STIM2: variants seen among roughly 807,000 people sequenced by gnomAD.
The protein encoded by STIM2 is stromal interaction molecule 2.
In STIM2, 31 loss-of-function variants were observed where a neutral mutation model predicts 85.8. The observed-to-expected ratio is 0.36, with a 90% CI of 0.27 to 0.49. STIM2 has a LOEUF of 0.49. Ranked by LOEUF, STIM2 falls within the 20% of genes least tolerant of loss-of-function variation. STIM2 has a pLI of 0.98. For synonymous variants in STIM2, 356 were observed against 331.1 expected, an observed-to-expected ratio of 1.08 and a Z score of -0.82; for missense variants, 841 against 927.6, an observed-to-expected ratio of 0.91 and a Z score of 1.21.
At chr4:26,880,801 G>A (rs868136864) in intron 1 of STIM2, among the ~76,000 whole-genome samples, 1 of 151,012 alleles carries the variant, frequency 6.6e-6, no homozygotes, top group South Asian at 2.1e-4. Flanking sequence ...AACTTAAAAT[G>A]TTTTAGAAGT....
At chr4:26,920,542 C>T (rs1724757284) in intron 2 of STIM2, among the ~76,000 whole-genome samples, 1 of 152,126 alleles carries the variant, frequency 6.6e-6, no homozygotes, top group African/African-American at 2.4e-5. Flanking sequence ...TGTTGAATTG[C>T]TTCTCTTTCA....
At chr4:26,992,185 T>A (rs747121491) in intron 3 of STIM2, among the ~76,000 whole-genome samples, 2 of 152,154 alleles carry the variant, frequency 1.3e-5, no homozygotes, top group Non-Finnish European at 2.9e-5. Flanking sequence ...TACAAATCCT[T>A]GTCTCACCAT....
intron 1 of STIM2, among the ~76,000 whole-genome samples, chr4:26,906,162 A>G (rs1724117601): frequency 6.6e-6 from 1 of 152,186 alleles, no homozygotes; most frequent in African/African-American, 2.4e-5. Flanking sequence ...ACCCTAAGCG[A>G]ACTAATACAG....
intron 1 of STIM2, among the ~76,000 whole-genome samples, chr4:26,912,164 A>G (rs890359660): frequency 6.6e-6 from 1 of 152,254 alleles, no homozygotes. Context: ...ATACTTATTT[A>G]AAAAGTTCTC....
At chr4:26,894,123 G>A (rs190333390) in intron 1 of STIM2, among the ~76,000 whole-genome samples, 12 of 152,236 alleles carry the variant, frequency 7.9e-5, no homozygotes, top group African/African-American at 2.9e-4. Flanking sequence ...TCCTGACTTC[G>A]TGATCCACCC....
intron 3 of STIM2, among the ~76,000 whole-genome samples, chr4:26,978,836 G>T (rs958698729): frequency 6.6e-6 from 1 of 152,166 alleles, no homozygotes; most frequent in Non-Finnish European, 1.5e-5. Context: ...GAGAAGAGCA[G>T]GTAGAAGAAA....
chr4:26,979,114 A>G (rs904650935), intron 3 of STIM2, among the ~76,000 whole-genome samples: 9 of 152,202 alleles, frequency 5.9e-5, no homozygotes, highest in Admixed American at 5.9e-4. Context: ...TCACCACTGA[A>G]AACTTCCAAA....
intron 1 of STIM2, among the ~76,000 whole-genome samples, chr4:26,896,510 G>C (rs1175578756): frequency 1.3e-5 from 2 of 152,200 alleles, no homozygotes; most frequent in Non-Finnish European, 2.9e-5. Flanking sequence ...CTTCATATGA[G>C]ATGATGCCTT....
At chr4:26,997,300 T>C (rs1220193886) in intron 4 of STIM2, among the ~76,000 whole-genome samples, 1 of 152,228 alleles carries the variant, frequency 6.6e-6, no homozygotes, top group Non-Finnish European at 1.5e-5. Flanking sequence ...CATTATGATG[T>C]TTCTTTTCTG....
chr4:26,953,783 C>T, intron 2 of STIM2, among the ~76,000 whole-genome samples: 1 of 152,076 alleles, frequency 6.6e-6, no homozygotes, highest in Admixed American at 6.6e-5. Context: ...TGCCTTACCA[C>T]CTAGACTGTC....
intron 2 of STIM2, among the ~76,000 whole-genome samples, chr4:26,935,814 C>T (rs1725371433): frequency 6.6e-6 from 1 of 152,158 alleles, no homozygotes. Context: ...TCATGACTTA[C>T]TCTTTGTACC....
intron 2 of STIM2, among the ~76,000 whole-genome samples, chr4:26,925,878 C>G: frequency 1.4e-5 from 1 of 72,662 alleles, no homozygotes; most frequent in Non-Finnish European, 2.4e-5. Context: ...TTCTTATACA[C>G]CAACAACAGA....
chr4:27,022,643 G>A lies in STIM2; in HGVS notation c.1888G>A (p.Val630Met), dbSNP rs2109149973. 1.2e-6 allele frequency: 2 copies of A among 1,614,216 alleles called. No individual in the cohort carries two copies. The highest frequency in any genetic ancestry group is 1.1e-5 in the South Asian group (1 of 91,080). ...TCCGCGAAAGATATCAAGAGATGAG[G>A]TGTCCCTAGAGGATTCCTCCCGAGG... The change falls in exon 12 of 12, where the codon GTG (valine) becomes ATG (methionine). Residue 630 changes from valine (V) to methionine (M), a missense_variant. By Grantham distance (21) the Val-to-Met change is conservative (BLOSUM62 1). This residue lies in a region of STIM2 where 293 missense variants were observed against 284.5 expected (regional missense o/e 1.03). Coordinates refer to ENST00000467087, the MANE Select transcript of STIM2 (RefSeq NM_020860.4).
At chr4:26,865,553 A>G (rs1722371751) in intron 1 of STIM2, among the ~76,000 whole-genome samples, 1 of 152,184 alleles carries the variant, frequency 6.6e-6, no homozygotes, top group Non-Finnish European at 1.5e-5. Flanking sequence ...TAGTGGCCTA[A>G]TCATTGATGA....
At chr4:26,947,599 A>T (rs371089519) in intron 2 of STIM2, among the ~76,000 whole-genome samples, 1 of 152,092 alleles carries the variant, frequency 6.6e-6, no homozygotes, top group Non-Finnish European at 1.5e-5. Context: ...GCCCTCCATC[A>T]GCCTCACCAG....
intron 2 of STIM2, among the ~76,000 whole-genome samples, chr4:26,933,657 C>T (rs1419749161): frequency 1.4e-5 from 2 of 139,546 alleles, no homozygotes; most frequent in Non-Finnish European, 3.0e-5. Context: ...TCAGCCAACT[C>T]AGGAGGCTAA....
intron 10 of STIM2, among the ~76,000 whole-genome samples, chr4:27,011,969 A>T (rs1728573499): frequency 6.6e-6 from 1 of 152,106 alleles, no homozygotes; most frequent in African/African-American, 2.4e-5. Context: ...GTTTTTCTTT[A>T]ATCCATTAGC....
At chr4:27,018,135 T>C in intron 11 of STIM2, 151 bp downstream of exon 11, 1 of 1,157,606 alleles carries the variant, frequency 8.6e-7, no homozygotes, top group Non-Finnish European at 1.2e-6. Flanking sequence ...CACCCATTTT[T>C]TAGCTCTTAG....
rs536070420 is a variant in STIM2 at position 26,903,023 on chromosome 4, A to G, written c.152-16481A>G. ...GTAGCCGTCTTTGTGCTTGATAATGAATAAGGTCTTTTCCTGCTCGGTGAC... is the reference window on the plus strand; with the variant it reads ...GTAGCCGTCTTTGTGCTTGATAATGGATAAGGTCTTTTCCTGCTCGGTGAC... On this transcript the variant is annotated intron_variant, in intron 1 of 11. Coordinates refer to ENST00000467087, the MANE Select transcript of STIM2 (RefSeq NM_020860.4). Among the ~76,000 whole-genome samples, 11 of 152,282 alleles carry G rather than the reference A, an allele frequency of 7.2e-5. No individual in the cohort carries two copies. The South Asian group carries it at 8.3e-4, about 11-fold the overall frequency.
Sources: allele counts gnomAD v4.1 joint callset (sites outside exome capture counted in the v4.1 genomes callset), GRCh38; gene constraint gnomAD v4.1.1; regional missense constraint gnomAD v4.1.1; transcripts MANE v1.5; gene names NCBI Gene and HGNC (gene_info 2026-07-23, HGNC 2026-07-21).